RBFOX1: variants seen among roughly 807,000 people sequenced by gnomAD.
RBFOX1 encodes the protein RNA binding fox-1 homolog 1.
Under a neutral mutation model 57.7 loss-of-function variants are expected in RBFOX1, and 8 were observed. That is an observed-to-expected ratio of 0.14 (90% CI 0.08 to 0.25). The LOEUF is 0.25. Ranked by LOEUF, RBFOX1 falls within the 10% of genes least tolerant of loss-of-function variation. The probability of loss-of-function intolerance (pLI) is 1.00; values close to 1 mark genes in which losing one functional copy is unlikely to be tolerated. For synonymous variants in RBFOX1, 326 were observed against 222.4 expected (o/e 1.47, Z -4.15); for missense variants, 611 against 548.5 (o/e 1.11, Z -1.14).
At chr16:5,926,626 C>T (rs2058946278) in intron 4 of RBFOX1, among the ~76,000 whole-genome samples, 1 of 152,134 alleles carries the variant, frequency 6.6e-6, no homozygotes, top group African/African-American at 2.4e-5. Flanking sequence ...TCAATCTCTT[C>T]ATTATTTATT....
intron 4 of RBFOX1, among the ~76,000 whole-genome samples, chr16:7,228,055 C>A (rs62017363): frequency 3.9e-5 from 6 of 152,030 alleles, no homozygotes; most frequent in Non-Finnish European, 8.8e-5. Flanking sequence ...CGACTTTCTC[C>A]TGATACTGCC....
intron 1 of RBFOX1, among the ~76,000 whole-genome samples, chr16:6,147,510 C>T (rs2096767474): frequency 6.6e-6 from 1 of 152,138 alleles, no homozygotes; most frequent in African/African-American, 2.4e-5. Context: ...CACCTCTACA[C>T]ATATGTACCC....
chr16:6,692,760 C>G (rs566067168), intron 3 of RBFOX1, among the ~76,000 whole-genome samples: 4 of 152,052 alleles, frequency 2.6e-5, no homozygotes, highest in African/African-American at 7.3e-5. Context: ...TTCAACCCAC[C>G]TCTGGTATCA....
At chr16:6,258,953 A>T (rs865913553) in intron 1 of RBFOX1, among the ~76,000 whole-genome samples, 1 of 152,224 alleles carries the variant, frequency 6.6e-6, no homozygotes, top group African/African-American at 2.4e-5. Context: ...AAATGAATCA[A>T]TGCAATTCCG....
intron 3 of RBFOX1, among the ~76,000 whole-genome samples, chr16:5,607,921 C>T (rs2047644354): frequency 1.3e-5 from 2 of 152,152 alleles, no homozygotes; most frequent in African/African-American, 2.4e-5. Context: ...ATAATGTATC[C>T]ATTCTCCCAT....
At chr16:5,750,801 C>G (rs561692818) in intron 3 of RBFOX1, among the ~76,000 whole-genome samples, 1 of 152,328 alleles carries the variant, frequency 6.6e-6, no homozygotes, top group African/African-American at 2.4e-5. Flanking sequence ...TTCCCTGACA[C>G]CTTGCACTTC....
In RBFOX1 at chr16:5,709,715, G is replaced by GTATA. The variant is rs36178320; in HGVS notation, c.318+110763_318+110766dup. ...TTCATCTGACACCTGGTATTCTATG[G>GTATA]TATATATATATAAAGTTCATTCAAT... is the stretch of plus-strand genomic sequence containing the variant. On this transcript the variant is annotated intron_variant, in intron 3 of 19. Coordinates refer to the RBFOX1 transcript ENST00000641259. 6.1e-3 allele frequency among the ~76,000 whole-genome samples: 832 copies of GTATA among 137,340 alleles called. 3 individuals carry two copies. The highest frequency in any genetic ancestry group is 0.01 in the Non-Finnish European group (658 of 64,072). 90.1% of individuals were successfully genotyped at this position (137,340 alleles called of 152,430 possible). A position where few individuals can be genotyped will look rare whatever the true frequency, so the allele number is the denominator to read the frequency against.
chr16:6,632,300 C>A (rs190309887), intron 2 of RBFOX1, among the ~76,000 whole-genome samples: 5 of 151,500 alleles, frequency 3.3e-5, no homozygotes, highest in East Asian at 1.9e-4. Flanking sequence ...ATCTGTGAAA[C>A]CTTGCACCAG....
intron 2 of RBFOX1, among the ~76,000 whole-genome samples, chr16:6,645,824 C>G (rs546567930): frequency 9.2e-5 from 14 of 152,270 alleles, no homozygotes; most frequent in African/African-American, 3.4e-4. Context: ...ACAAACGAGG[C>G]AACCATGATT....
chr16:6,927,493 C>G (rs2075814274), intron 3 of RBFOX1, among the ~76,000 whole-genome samples: 2 of 146,704 alleles, frequency 1.4e-5, no homozygotes, highest in South Asian at 2.2e-4. Context: ...TGTTTCCTCT[C>G]TTTCTTTCCA....
intron 2 of RBFOX1, among the ~76,000 whole-genome samples, chr16:6,567,460 CT>C (rs1191686371): frequency 6.6e-6 from 1 of 152,176 alleles, no homozygotes; most frequent in East Asian, 1.9e-4. Flanking sequence ...TCAAATATCT[CT>C]CATGAGAGAG....
intron 2 of RBFOX1, among the ~76,000 whole-genome samples, chr16:5,478,286 C>T (rs764863968): frequency 3.3e-5 from 5 of 152,026 alleles, no homozygotes; most frequent in African/African-American, 4.8e-5. Context: ...AGCTGCCAGA[C>T]GGTTAGAGTG....
At chr16:7,227,038 A>G (rs1188307190) in intron 4 of RBFOX1, among the ~76,000 whole-genome samples, 2 of 152,128 alleles carry the variant, frequency 1.3e-5, no homozygotes, top group Non-Finnish European at 2.9e-5. Flanking sequence ...CCTCTCCGGC[A>G]TTGCACACTT....
At chr16:7,398,784 T>G (rs554027698) in intron 4 of RBFOX1, among the ~76,000 whole-genome samples, 1 of 152,290 alleles carries the variant, frequency 6.6e-6, no homozygotes, top group Non-Finnish European at 1.5e-5. Context: ...GGGCCAGCTA[T>G]TTTCATTGTG....
chr16:6,892,702 A>G (rs944592672), intron 3 of RBFOX1, among the ~76,000 whole-genome samples: 2 of 152,106 alleles, frequency 1.3e-5, no homozygotes, highest in African/African-American at 4.8e-5. Context: ...AGAGTGAAGT[A>G]CAGTGCTATT....
intron 1 of RBFOX1, among the ~76,000 whole-genome samples, chr16:5,331,108 C>T (rs2064742779): frequency 6.6e-6 from 1 of 152,108 alleles, no homozygotes; most frequent in African/African-American, 2.4e-5. Context: ...GAGGTAAACC[C>T]ACACATTACC....
intron 3 of RBFOX1, among the ~76,000 whole-genome samples, chr16:6,973,624 A>C (rs2086098524): frequency 6.6e-6 from 1 of 152,122 alleles, no homozygotes; most frequent in Admixed American, 6.6e-5. Context: ...GACAGTTATC[A>C]AAGAAACATT....
chr16:7,178,848 A>C (rs117199600), intron 4 of RBFOX1, among the ~76,000 whole-genome samples: 1,950 of 152,284 alleles, frequency 0.013, 24 homozygotes, highest in Non-Finnish European at 0.022. Flanking sequence ...TAAGGAACAT[A>C]CTTCATACTT....
At chr16:5,751,520 A>G (rs1220856721) in intron 3 of RBFOX1, among the ~76,000 whole-genome samples, 1 of 152,170 alleles carries the variant, frequency 6.6e-6, no homozygotes, top group Non-Finnish European at 1.5e-5. Flanking sequence ...AAATAGTTAG[A>G]TGATGTGGCT....
Sources: gnomAD v4.1 joint callset for allele counts (sites outside exome capture counted in the v4.1 genomes callset) on GRCh38, gnomAD v4.1.1 for gene constraint, MANE v1.5 for transcripts, NCBI Gene and HGNC (gene_info 2026-07-23, HGNC 2026-07-21) for gene names.